Variants in TNPO3 observed in about 807,000 individuals in gnomAD.
The protein encoded by TNPO3 is transportin-3.
TNPO3 carries 65 observed loss-of-function variants against 122.8 expected under a neutral mutation model. The observed-to-expected ratio is 0.53, with a 90% CI of 0.43 to 0.65. TNPO3 has a LOEUF of 0.65. Among genes scored for constraint, TNPO3 ranks in the 30% least tolerant of loss-of-function variants. The pLI is 0.00. For missense variants in TNPO3, 850 were observed against 1,136.7 expected, an observed-to-expected ratio of 0.75 and a Z score of 3.63; for synonymous variants, 372 against 411.2, an observed-to-expected ratio of 0.90 and a Z score of 1.15.
At chr7:128,975,377 C>T (rs1449390691) in intron 17 of TNPO3, among the ~76,000 whole-genome samples, 2 of 152,152 alleles carry the variant, frequency 1.3e-5, no homozygotes, top group African/African-American at 4.8e-5. Context: ...ACTCAATATT[C>T]CCCTCTGTGG....
chr7:129,043,484 C>A (rs551430630), intron 1 of TNPO3, among the ~76,000 whole-genome samples: 3 of 152,134 alleles, frequency 2.0e-5, no homozygotes, highest in African/African-American at 7.2e-5. Context: ...GGGGTCTTCC[C>A]GGATTCTTTG....
At chr7:129,041,495 G>A in intron 1 of TNPO3, 1 of 952,922 alleles carries the variant, frequency 1.0e-6, no homozygotes, top group Non-Finnish European at 1.2e-6. Context: ...AAAAAAGGAA[G>A]GGAAGGAAGA....
chr7:128,969,727 T>C (rs984130013), intron 20 of TNPO3, among the ~76,000 whole-genome samples: 4 of 152,228 alleles, frequency 2.6e-5, no homozygotes, highest in Non-Finnish European at 5.9e-5. Context: ...TTGACAATTA[T>C]GTGCTTCCAA....
chr7:129,011,006 G>A (rs1001503601), intron 4 of TNPO3, among the ~76,000 whole-genome samples: 36 of 152,174 alleles, frequency 2.4e-4, no homozygotes, highest in African/African-American at 8.2e-4. Context: ...CCTAAGGGCG[G>A]TATATAGCTA....
intron 22 of TNPO3, among the ~76,000 whole-genome samples, chr7:128,955,807 T>A (rs1031000587): frequency 4.6e-5 from 7 of 152,350 alleles, no homozygotes; most frequent in Middle Eastern, 3.4e-3. Context: ...AACACCAATT[T>A]AGATGCTATC....
chr7:128,982,226 C>T (rs949129700), intron 14 of TNPO3, 22 bp downstream of exon 14: 1 of 1,602,720 alleles, frequency 6.2e-7, no homozygotes, highest in Non-Finnish European at 8.5e-7. Flanking sequence ...CCAAGTAAGG[C>T]ATCCAGAGTC....
intron 1 of TNPO3, among the ~76,000 whole-genome samples, chr7:129,039,822 AG>A (rs1807149283): frequency 6.6e-6 from 1 of 152,244 alleles, no homozygotes; most frequent in Non-Finnish European, 1.5e-5. Context: ...ACAGTCACAA[AG>A]GATCATGAAC....
intron 1 of TNPO3, among the ~76,000 whole-genome samples, chr7:129,022,818 G>C (rs1002245580): frequency 7.9e-5 from 12 of 152,246 alleles, no homozygotes; most frequent in Admixed American, 2.6e-4. Context: ...ACTGTTACTT[G>C]CAAAAATGTA....
intron 1 of TNPO3, among the ~76,000 whole-genome samples, chr7:129,018,771 T>C (rs986489861): frequency 2.0e-5 from 3 of 152,158 alleles, no homozygotes; most frequent in African/African-American, 7.2e-5. Context: ...CAGGCTGGAG[T>C]GCAGTGGCAC....
intron 1 of TNPO3, among the ~76,000 whole-genome samples, chr7:129,051,534 G>C (rs542036259): frequency 3.3e-5 from 5 of 151,994 alleles, no homozygotes; most frequent in Non-Finnish European, 5.9e-5. Context: ...ATGAGGTCTC[G>C]CTATGTTGCC....
intron 16 of TNPO3, among the ~76,000 whole-genome samples, chr7:128,976,388 C>G (rs1299394618): frequency 1.3e-5 from 2 of 152,220 alleles, no homozygotes; most frequent in South Asian, 2.1e-4. Flanking sequence ...GCTCCTAAAC[C>G]TATTTTATCT....
At position 128,984,216 on chromosome 7, in the gene TNPO3, G is replaced by A. The variant is rs776367979; in HGVS notation, c.1734C>T (p.Thr578=). 25 of 1,612,640 alleles carry A rather than the reference G, an allele frequency of 1.6e-5. 1 individual carries two copies. The Middle Eastern group carries it at 8.3e-4, about 53-fold the overall frequency. The change falls in exon 13 of 23, where the codon ACC becomes ACT. Residue 578 remains threonine (T), a synonymous_variant. Transcript: ENST00000265388. ...VLARLPLDKI[T]ECLSELCSVQ... is the part of the protein sequence containing the mutation. ...CAGAACATAGTTCACTAAGACATTC[G>A]GTAATCTTATCCAAAGGTAATCGGG...
chr7:129,001,042 C>A lies in TNPO3; in HGVS notation c.872+17G>T, dbSNP rs755543305. On this transcript the variant is annotated intron_variant, in intron 6 of 22. Coordinates refer to ENST00000265388, the MANE Select transcript of TNPO3 (RefSeq NM_012470.4). ...CTGTAGGTAAACCCAGGGCTCCAGA[C>A]TTAAACAATTACTCACTTGTCTAAA... 2 of 1,612,152 alleles carry A rather than the reference C, an allele frequency of 1.2e-6. No homozygotes were observed. Among genetic ancestry groups the A allele is most frequent in the Non-Finnish European group, 1.7e-6 (2 of 1,178,338 alleles).
At position 129,021,505 on chromosome 7, in the gene TNPO3, G is replaced by A. The variant is rs568832129; in HGVS notation, c.121-3348C>T. On this transcript the variant is annotated intron_variant, in intron 1 of 22. Coordinates refer to ENST00000265388, the MANE Select transcript of TNPO3 (RefSeq NM_012470.4). ...AAGAGACCCCAATTGAGGAAAAACT[G>A]CTATGAAAAAAAACAAAATAATATA... Among the ~76,000 whole-genome samples, 41 of 151,902 alleles carry A rather than the reference G, an allele frequency of 2.7e-4. No individual in the cohort carries two copies. The South Asian group carries it at 8.1e-3, about 30-fold the overall frequency.
At chr7:129,004,994 G>T in intron 5 of TNPO3, 22 bp downstream of exon 5, 2 of 1,590,252 alleles carry the variant, frequency 1.3e-6, no homozygotes, top group South Asian at 2.3e-5. Context: ...GAAATACTTT[G>T]ATAAATAAGG....
chr7:129,012,168 G>A (rs1803293168), intron 4 of TNPO3, among the ~76,000 whole-genome samples: 1 of 151,528 alleles, frequency 6.6e-6, no homozygotes, highest in African/African-American at 2.4e-5. Flanking sequence ...ACCATACCTG[G>A]CTAATTTTTG....
intron 21 of TNPO3, among the ~76,000 whole-genome samples, chr7:128,965,098 AAATT>A (rs1797813546): frequency 6.6e-6 from 1 of 152,186 alleles, no homozygotes; most frequent in Admixed American, 6.5e-5. Flanking sequence ...GGCGACAACA[AAATT>A]AAAAACTTCT....
chr7:128,972,733 A>AT (rs1293056513), intron 18 of TNPO3, 151 bp from the exon 19 acceptor site: 34 of 657,334 alleles, frequency 5.2e-5, no homozygotes, highest in South Asian at 1.0e-4. Flanking sequence ...AACATAGAGG[A>AT]TTTTTTTTGG....
At chr7:129,033,831 T>C (rs1806236052) in intron 1 of TNPO3, among the ~76,000 whole-genome samples, 1 of 150,970 alleles carries the variant, frequency 6.6e-6, no homozygotes, top group Non-Finnish European at 1.5e-5. Flanking sequence ...GAGAATCACT[T>C]GAACTCGGGA....
Sources: gnomAD v4.1 joint callset for allele counts (sites outside exome capture counted in the v4.1 genomes callset) on GRCh38, gnomAD v4.1.1 for gene constraint, MANE v1.5 for transcripts, NCBI Gene and HGNC (gene_info 2026-07-23, HGNC 2026-07-21) for gene names.